TXLNG: variants seen among roughly 807,000 people sequenced by gnomAD.
TXLNG encodes the protein taxilin gamma.
Under a neutral mutation model 38.8 loss-of-function variants are expected in TXLNG, and 5 were observed. The ratio of observed to expected loss-of-function variants is 0.13; its 90% CI spans 0.07 to 0.27. TXLNG has a LOEUF of 0.27. TXLNG is among the 10% of genes least tolerant of loss of function. The pLI, the probability that TXLNG is intolerant of heterozygous loss-of-function variation, is 1.00. For synonymous variants in TXLNG, 182 were observed against 158.2 expected (o/e 1.15, Z -1.13); for missense variants, 393 against 398.2 (o/e 0.99, Z 0.11).
intron 1 of TXLNG, among the ~76,000 whole-genome samples, chrX:16,812,177 CTT>C (rs11288519): frequency 1.7e-4 from 16 of 95,244 alleles, no homozygotes; most frequent in African/African-American, 1.5e-4. Context: ...CTAATTTTTG[CTT>C]TTTTTTTTTA....
chrX:16,794,753 C>G (rs1050745498), intron 1 of TXLNG, among the ~76,000 whole-genome samples: 1 of 111,515 alleles, frequency 9.0e-6, no homozygotes, highest in Non-Finnish European at 1.9e-5. Flanking sequence ...GAGTCTGTGG[C>G]TTAAAGATGC....
At chrX:16,836,907 G>A (rs1266619805) in intron 7 of TXLNG, among the ~76,000 whole-genome samples, 3 of 111,492 alleles carry the variant, frequency 2.7e-5, no homozygotes, top group Non-Finnish European at 5.7e-5. Context: ...ATGAGGGCCA[G>A]CTCAGGCCTC....
At position 16,836,347 on chromosome X, in the gene TXLNG, A is replaced by C. The variant is rs1324686300; in HGVS notation, c.1060-1246A>C. Among the ~76,000 whole-genome samples, 3 of 111,791 alleles carry C rather than the reference A, an allele frequency of 2.7e-5. No homozygotes were observed. In the Admixed American group the frequency reaches 2.8e-4, roughly 11 times the overall value. ...CTGCGTGAGCACCACTCTTGCCCCA[A>C]CTCCAGGCCTGTCATGTCAGAGGCC... is the stretch of plus-strand genomic sequence containing the variant. On this transcript the variant is annotated intron_variant, in intron 7 of 9. Transcript: ENST00000380122.
intron 1 of TXLNG, among the ~76,000 whole-genome samples, chrX:16,817,623 C>T (rs143451149): frequency 1.9e-3 from 212 of 111,841 alleles, no homozygotes; most frequent in African/African-American, 6.7e-3. Context: ...AGTAAATGCA[C>T]AGAATTTAAA....
chrX:16,835,587 G>A (rs1202952293), intron 7 of TXLNG, among the ~76,000 whole-genome samples: 2 of 111,740 alleles, frequency 1.8e-5, no homozygotes, highest in Non-Finnish European at 3.8e-5. Flanking sequence ...ACAATGCTGC[G>A]GAAGTCACCA....
intron 5 of TXLNG, among the ~76,000 whole-genome samples, chrX:16,830,477 C>T (rs1167215561): frequency 2.9e-5 from 3 of 104,340 alleles, no homozygotes; most frequent in Admixed American, 2.1e-4. Flanking sequence ...TTTAGAGGGC[C>T]GATGGACAGG....
chrX:16,819,284 C>T lies in TXLNG; in HGVS notation c.406+407C>T, dbSNP rs1009912850. On this transcript the variant is annotated intron_variant, in intron 2 of 9. Transcript: ENST00000380122. The stretch of plus-strand genomic sequence containing the variant: ...ATCATTTTCAGTAATTGTGTTTAAT[C>T]GTCTCTTAAAGGTCTTATTGGCCTT... Among the ~76,000 whole-genome samples the T allele has an allele frequency of 1.0e-4, 11 of 110,471 alleles. No homozygotes were observed. In the South Asian group the frequency reaches 1.2e-3, roughly 12 times the overall value.
intron 1 of TXLNG, among the ~76,000 whole-genome samples, chrX:16,799,719 C>T (rs1200465803): frequency 9.1e-6 from 1 of 110,196 alleles, no homozygotes; most frequent in Non-Finnish European, 1.9e-5. Flanking sequence ...TGCAGTGAAC[C>T]GAGATCGCGC....
chrX:16,812,383 T>C (rs1001706983), intron 1 of TXLNG, among the ~76,000 whole-genome samples: 23 of 96,690 alleles, frequency 2.4e-4, no homozygotes, highest in Non-Finnish European at 3.4e-4. Context: ...TTGAAATAAG[T>C]GAATATTTAT....
intron 3 of TXLNG, among the ~76,000 whole-genome samples, chrX:16,822,438 T>G (rs1444288152): frequency 1.8e-5 from 2 of 111,690 alleles, no homozygotes; most frequent in Non-Finnish European, 3.8e-5. Flanking sequence ...CCTTTCACTA[T>G]TTGTAGCAAC....
chrX:16,833,382 T>C (rs1200388557), intron 6 of TXLNG, among the ~76,000 whole-genome samples: 1 of 112,113 alleles, frequency 8.9e-6, no homozygotes, highest in Non-Finnish European at 1.9e-5. Context: ...AGCTAAGTGC[T>C]TATCCACAAG....
At chrX:16,807,094 AAAC>A (rs1367470265) in intron 1 of TXLNG, among the ~76,000 whole-genome samples, 1 of 110,548 alleles carries the variant, frequency 9.0e-6, no homozygotes, top group Non-Finnish European at 1.9e-5. Context: ...AAAACAAACA[AAAC>A]AAAAACAAAC....
chrX:16,824,317 C>T (rs1817383333), intron 3 of TXLNG, among the ~76,000 whole-genome samples: 1 of 110,012 alleles, frequency 9.1e-6, no homozygotes, highest in African/African-American at 3.3e-5. Flanking sequence ...GCAACCCAGC[C>T]TGGGCGACAG....
chrX:16,839,730 G>A, intron 8 of TXLNG, 91 bp from the exon 9 acceptor site: 3 of 597,116 alleles, frequency 5.0e-6, no homozygotes, highest in South Asian at 3.5e-5. Flanking sequence ...GATGGGGGAG[G>A]GGAGGGGCAC....
At chrX:16,836,263 C>A (rs1180403663) in intron 7 of TXLNG, among the ~76,000 whole-genome samples, 1 of 111,895 alleles carries the variant, frequency 8.9e-6, no homozygotes, top group African/African-American at 3.2e-5. Context: ...CCCTAAAGGA[C>A]CACATCAAAA....
At chrX:16,814,482 G>A (rs1928657915) in intron 1 of TXLNG, among the ~76,000 whole-genome samples, 1 of 111,929 alleles carries the variant, frequency 8.9e-6, no homozygotes, top group African/African-American at 3.2e-5. Context: ...GGGCATGGTT[G>A]CGGGTGCCCG....
At chrX:16,828,300 G>A in intron 4 of TXLNG, 36 bp downstream of exon 4, 1 of 1,139,290 alleles carries the variant, frequency 8.8e-7, no homozygotes, top group Non-Finnish European at 1.2e-6. Flanking sequence ...TTTCAGGAGG[G>A]ACTTATCTGA....
chrX:16,795,633 G>A (rs185117824), intron 1 of TXLNG, among the ~76,000 whole-genome samples: 1 of 111,455 alleles, frequency 9.0e-6, no homozygotes, highest in Admixed American at 9.6e-5. Context: ...TGCTGTGACA[G>A]TTACTCTGGA....
intron 3 of TXLNG, among the ~76,000 whole-genome samples, chrX:16,826,658 C>T (rs1929177524): frequency 9.0e-6 from 1 of 111,611 alleles, no homozygotes; most frequent in African/African-American, 3.3e-5. Flanking sequence ...ACCTGCTGGG[C>T]ACGGTGGCTC....
Sources: gnomAD v4.1 joint callset for allele counts (sites outside exome capture counted in the v4.1 genomes callset) on GRCh38, gnomAD v4.1.1 for gene constraint, MANE v1.5 for transcripts, NCBI Gene and HGNC (gene_info 2026-07-23, HGNC 2026-07-21) for gene names.